IL11RA: variants seen among roughly 807,000 people sequenced by gnomAD.
IL11RA encodes interleukin 11 receptor subunit alpha.
IL11RA carries 51 observed loss-of-function variants against 57.0 expected under a neutral mutation model. The ratio of observed to expected loss-of-function variants is 0.89; its 90% CI spans 0.71 to 1.13. The LOEUF (loss-of-function observed/expected upper bound fraction) is 1.13, where lower values mean the gene tolerates loss of function less well. Ranked by LOEUF, IL11RA falls within the 50% of genes most tolerant of loss-of-function variation. The probability of loss-of-function intolerance (pLI) is 0.00; values close to 1 mark genes in which losing one functional copy is unlikely to be tolerated. For synonymous variants in IL11RA, 199 were observed against 217.5 expected (o/e 0.91, Z 0.75); for missense variants, 498 against 539.4 (o/e 0.92, Z 0.76).
chr9:34,660,200 T>C (rs1246272943), intron 9 of IL11RA, 74 bp from the exon 10 acceptor site: 5 of 1,610,402 alleles, frequency 3.1e-6, no homozygotes, highest in Non-Finnish European at 4.2e-6. Context: ...AACCTAGGCC[T>C]TGGCCTTGAG....
chr9:34,657,357 G>C (rs990584599), intron 6 of IL11RA, 22 bp downstream of exon 6: 5 of 1,613,990 alleles, frequency 3.1e-6, no homozygotes, highest in Admixed American at 3.3e-5. Context: ...GGGAGCATGT[G>C]GGGGCTCCAG....
intron 12 of IL11RA, among the ~76,000 whole-genome samples, chr9:34,661,144 G>T (rs1821449188): frequency 6.6e-6 from 1 of 151,322 alleles, no homozygotes; most frequent in Non-Finnish European, 1.5e-5. Flanking sequence ...TCCTCTCAGG[G>T]TACTGAGGAA....
Position 34,658,792 on chromosome 9 carries a change from A to G in IL11RA, c.810+109A>G. 1 of 1,247,782 alleles carries G rather than the reference A, an allele frequency of 8.0e-7. No homozygotes were observed. Among genetic ancestry groups the G allele is most frequent in the Non-Finnish European group, 1.2e-6 (1 of 869,198 alleles). The allele number at this position is 1,247,782 out of a possible 1,614,324, so 77.3% of individuals were successfully genotyped here. On this transcript the variant is annotated intron_variant, in intron 8 of 12. Coordinates refer to ENST00000441545, the MANE Select transcript of IL11RA (RefSeq NM_001142784.3). This position sits in a 1 kb window ranked among gnomAD's most constrained non-coding sequence, Gnocchi z 4.0. Reference sequence around the variant, plus strand: ...GTGCTGGCAGGTCACTGAAGACCCAACACTTCCCTGTGGGCCAGGCTTTGT... The same window carrying G: ...GTGCTGGCAGGTCACTGAAGACCCAGCACTTCCCTGTGGGCCAGGCTTTGT...
Position 34,661,815 on chromosome 9 carries a change from G to T in IL11RA, c.*317G>T. 9.4e-7 allele frequency: 1 copy of T among 1,064,412 alleles called. No homozygotes were observed. The highest frequency in any genetic ancestry group is 1.4e-6 in the Non-Finnish European group (1 of 716,546). The allele number at this position is 1,064,412 out of a possible 1,614,324, so 65.9% of individuals were successfully genotyped here. A position where few individuals can be genotyped will look rare whatever the true frequency, so the allele number is the denominator to read the frequency against. On this transcript the variant is annotated 3_prime_UTR_variant, in exon 13 of 13. Transcript: ENST00000441545. ...GTAGGTGCCTGGGGAGTGTGTGTGGGTCCTTGGCTCTTGGCCTTTCCCCTT... is the reference window on the plus strand; with the variant it reads ...GTAGGTGCCTGGGGAGTGTGTGTGGTTCCTTGGCTCTTGGCCTTTCCCCTT...
Position 34,658,009 on chromosome 9 carries a change from G to T in IL11RA, c.646+422G>T, listed in dbSNP as rs1024372290. Among the ~76,000 whole-genome samples, 2 of 152,126 alleles carry T rather than the reference G, an allele frequency of 1.3e-5. No homozygotes were observed. The highest frequency in any genetic ancestry group is 1.3e-4 in the Admixed American group (2 of 15,274). On this transcript the variant is annotated intron_variant, in intron 7 of 12. Coordinates refer to ENST00000441545, the MANE Select transcript of IL11RA (RefSeq NM_001142784.3). The surrounding 1 kb of genome is among the most constrained non-coding windows in gnomAD (Gnocchi z 4.0). ...CAAGAAGCACTTCAAAAGTCCACCC[G>T]CAGATCTCAGGTGGTTTCTTTTTTT...
chr9:34,659,615 C>T, intron 8 of IL11RA, 144 bp from the exon 9 acceptor site: 1 of 974,708 alleles, frequency 1.0e-6, no homozygotes, highest in Non-Finnish European at 1.6e-6. Flanking sequence ...GTAGACTCAG[C>T]TCCACCAGAC....
At chr9:34,656,027 G>T in intron 3 of IL11RA, 2 of 317,564 alleles carry the variant, frequency 6.3e-6, no homozygotes, top group East Asian at 7.4e-5. Flanking sequence ...GGACAACTGA[G>T]TGGTTACTTT....
rs1564103612 is a variant in IL11RA at position 34,653,074 on chromosome 9, T to C, written c.-1+841T>C. Among the ~76,000 whole-genome samples the C allele has an allele frequency of 6.6e-6, 1 of 152,184 alleles. No homozygotes were observed. Among genetic ancestry groups the C allele is most frequent in the African/African-American group, 2.4e-5 (1 of 41,446 alleles). The stretch of plus-strand genomic sequence containing the variant: ...TGCCTGCCTTCCCTGCTGATCTTGA[T>C]CTCTGGCTAGTTGGGGGCCTGTAAC... On this transcript the variant is annotated intron_variant, in intron 1 of 12. Transcript: ENST00000441545. The surrounding 1 kb of genome is among the most constrained non-coding windows in gnomAD (Gnocchi z 4.5).
In IL11RA at chr9:34,657,036, C is replaced by T. The variant is rs1408378855; in HGVS notation, c.333C>T (p.Tyr111=). ...TCCAGGTGTACCCTCTGCCTCTAGA[C>T]CCTCCAGCCCGCCCTGTTGTCTCCT... ...LGGTVTLQLG[Y]PPARPVVSCQ... is the part of the protein sequence containing the mutation. The change falls in exon 5 of 13, where the codon TAC becomes TAT. Residue 111 remains tyrosine, a splice_region_variant and synonymous_variant. Transcript: ENST00000441545. The T allele has an allele frequency of 1.1e-5, 17 of 1,613,974 alleles. No individual in the cohort carries two copies. Among genetic ancestry groups the T allele is most frequent in the Non-Finnish European group, 1.4e-5 (17 of 1,179,876 alleles).
At chr9:34,655,879 T>C in intron 3 of IL11RA, 1 of 622,542 alleles carries the variant, frequency 1.6e-6, no homozygotes, top group Non-Finnish European at 3.0e-6. Flanking sequence ...GGCTCTGGGA[T>C]ACAGCAGTGC....
chr9:34,660,725 C>T lies in IL11RA; in HGVS notation c.1169+125C>T, dbSNP rs1587249635. ...CTGTCTGATTCTGGAACTACCTCCC[C>T]ATACCTCCATCCCCCATGCCCCACT... On this transcript the variant is annotated intron_variant, in intron 11 of 12. Coordinates refer to ENST00000441545, the MANE Select transcript of IL11RA (RefSeq NM_001142784.3). 6 of 1,161,962 alleles carry T rather than the reference C, an allele frequency of 5.2e-6. No homozygotes were observed. The East Asian group carries it at 1.2e-4, about 23-fold the overall frequency. 72.0% of individuals were successfully genotyped at this position (1,161,962 alleles called of 1,614,324 possible).
chr9:34,654,490 C>T (rs1271124329), intron 1 of IL11RA, among the ~76,000 whole-genome samples: 3 of 152,008 alleles, frequency 2.0e-5, no homozygotes, highest in Non-Finnish European at 2.9e-5. Context: ...GCTCCTCGCC[C>T]ACCCCCAGCC....
intron 3 of IL11RA, among the ~76,000 whole-genome samples, chr9:34,656,192 C>T (rs1487297074): frequency 3.9e-5 from 6 of 151,944 alleles, no homozygotes; most frequent in African/African-American, 9.7e-5. Context: ...CCACCAGGCC[C>T]GGCTAATTTT....
intron 1 of IL11RA, 98 bp from the exon 2 acceptor site, chr9:34,655,120 A>G (rs1290411989): frequency 1.5e-5 from 13 of 848,234 alleles, no homozygotes; most frequent in South Asian, 2.9e-5. Context: ...TGGTGCATCA[A>G]TTTTTCTCCT....
Position 34,661,566 on chromosome 9 carries a change from C to T in IL11RA, c.*68C>T, listed in dbSNP as rs373893283. On this transcript the variant is annotated 3_prime_UTR_variant, in exon 13 of 13. Coordinates refer to ENST00000441545, the MANE Select transcript of IL11RA (RefSeq NM_001142784.3). ...CTTGCTGGTGTGGATAGAAACCAGG[C>T]AGGACAGTAGATCCCTATGGTTGGA... is the stretch of plus-strand genomic sequence containing the variant. 8.6e-5 allele frequency: 119 copies of T among 1,389,478 alleles called. 1 individual carries two copies. In the South Asian group the frequency reaches 1.3e-3, roughly 15 times the overall value. 86.1% of individuals were successfully genotyped at this position (1,389,478 alleles called of 1,614,324 possible).
chr9:34,660,536 C>T lies in IL11RA; in HGVS notation c.1105C>T (p.Leu369=), dbSNP rs1304915746. Residue 369 remains leucine (L), a synonymous_variant, in exon 11 of 13, where the codon CTG becomes TTG. Coordinates refer to ENST00000441545, the MANE Select transcript of IL11RA (RefSeq NM_001142784.3). ...GGACTCTGTGGAGCAGGTAGCTGTG[C>T]TGGCGTCTTTGGGAATCCTTTCTTT... ...HRDSVEQVAV[L]ASLGILSFLG... The T allele has an allele frequency of 1.9e-6, 3 of 1,614,208 alleles. No individual in the cohort carries two copies. The highest frequency in any genetic ancestry group is 2.2e-5 in the East Asian group (1 of 44,878).
chr9:34,656,066 C>G (rs1020904448), intron 3 of IL11RA: 2 of 307,552 alleles, frequency 6.5e-6, no homozygotes, highest in Non-Finnish European at 1.3e-5. Flanking sequence ...GAGTCTCACT[C>G]TGTTGCCCAG....
At chr9:34,661,155 G>C (rs1346243775) in intron 12 of IL11RA, among the ~76,000 whole-genome samples, 2 of 151,344 alleles carry the variant, frequency 1.3e-5, no homozygotes, top group Non-Finnish European at 3.0e-5. Flanking sequence ...TACTGAGGAA[G>C]GACCCCAGGT....
In IL11RA at chr9:34,657,539, C is replaced by A. The variant is rs372171705; in HGVS notation, c.598C>A (p.Pro200Thr). ...CCGGATTAATGTGACTGAGGTGAACCCACTGGGTGCCAGCACACGCCTGCT... is the reference window on the plus strand; with the variant it reads ...CCGGATTAATGTGACTGAGGTGAACACACTGGGTGCCAGCACACGCCTGCT... ...QYRINVTEVN[P>T]LGASTRLLDV... The change falls in exon 7 of 13, where the codon CCA becomes ACA. Residue 200 changes from proline (P) to threonine (T), a missense_variant. By Grantham distance (38) the Pro-to-Thr change is conservative (BLOSUM62 -1). Transcript: ENST00000441545. 78 of 1,614,050 alleles carry A rather than the reference C, an allele frequency of 4.8e-5. No homozygotes were observed. The highest frequency in any genetic ancestry group is 8.3e-5 in the Admixed American group (5 of 60,004).
Sources: allele counts gnomAD v4.1 joint callset (sites outside exome capture counted in the v4.1 genomes callset), GRCh38; gene constraint gnomAD v4.1.1; non-coding constraint Gnocchi (gnomAD v3.1); transcripts MANE v1.5; gene names NCBI Gene and HGNC (gene_info 2026-07-23, HGNC 2026-07-21).